C12orf42: variants seen among roughly 807,000 people sequenced by gnomAD.
C12orf42 encodes the protein uncharacterized protein C12orf42.
C12orf42 carries 25 observed loss-of-function variants against 21.6 expected under a neutral mutation model. That is an observed-to-expected ratio of 1.16 (90% CI 0.84 to 1.62). The LOEUF (loss-of-function observed/expected upper bound fraction) is 1.62, where lower values mean the gene tolerates loss of function less well. C12orf42 is among the 40% of genes most tolerant of loss of function. The pLI, the probability that C12orf42 is intolerant of heterozygous loss-of-function variation, is 0.00. For missense variants in C12orf42, 483 were observed against 459.3 expected (o/e 1.05, Z -0.47); for synonymous variants, 174 against 175.0 (o/e 0.99, Z 0.05).
the C12orf42 span, among the ~76,000 whole-genome samples, chr12:103,534,703 A>G: frequency 6.6e-6 from 1 of 152,154 alleles, no homozygotes; most frequent in Non-Finnish European, 1.5e-5. Flanking sequence ...ACGGTTCTCT[A>G]TGGGTCTCTC....
intron 1 of C12orf42, among the ~76,000 whole-genome samples, chr12:103,483,515 C>T (rs965888765): frequency 6.6e-6 from 1 of 152,242 alleles, no homozygotes; most frequent in African/African-American, 2.4e-5. Context: ...GGCATAAGGA[C>T]TCAAGCATTT....
intron 1 of C12orf42, among the ~76,000 whole-genome samples, chr12:103,493,597 C>A (rs1593028200): frequency 6.6e-6 from 1 of 151,820 alleles, no homozygotes; most frequent in Admixed American, 6.6e-5. Flanking sequence ...CCAAAGGGAA[C>A]CTCCCTCAAC....
chr12:103,085,607 A>T, the C12orf42 span, among the ~76,000 whole-genome samples: 1 of 152,220 alleles, frequency 6.6e-6, no homozygotes, highest in Non-Finnish European at 1.5e-5. Flanking sequence ...TAAAAAAGAG[A>T]AAAAGGAGTG....
At chr12:103,146,588 G>GAAAGAAAGAAAGAA in the C12orf42 span, among the ~76,000 whole-genome samples, 12 of 148,238 alleles carry the variant, frequency 8.1e-5, no homozygotes, top group African/African-American at 3.0e-4. Flanking sequence ...AAGAAAGAAA[G>GAAAGAAAGAAAGAA]AAAGAAAGAA....
At chr12:103,369,143 C>T (rs1014275536) in intron 3 of C12orf42, 145 bp from the exon 4 acceptor site, 1 of 554,574 alleles carries the variant, frequency 1.8e-6, no homozygotes, top group Non-Finnish European at 3.3e-6. Flanking sequence ...TGAAACAATC[C>T]TGAAAACAAT....
the C12orf42 span, among the ~76,000 whole-genome samples, chr12:103,144,376 G>T: frequency 6.6e-6 from 1 of 152,172 alleles, no homozygotes; most frequent in East Asian, 1.9e-4. Context: ...CCTCTTTATC[G>T]CTCCAGAGGC....
At chr12:103,526,641 T>A in the C12orf42 span, among the ~76,000 whole-genome samples, 1 of 152,188 alleles carries the variant, frequency 6.6e-6, no homozygotes, top group African/African-American at 2.4e-5. Context: ...AATGTGACTA[T>A]GTTTGAAGCA....
At chr12:103,201,381 C>T in the C12orf42 span, among the ~76,000 whole-genome samples, 4 of 152,110 alleles carry the variant, frequency 2.6e-5, no homozygotes, top group African/African-American at 4.8e-5. Flanking sequence ...TCCATCCAAC[C>T]GCTGAGCTGG....
At chr12:103,368,152 A>G (rs1450806662) in intron 4 of C12orf42, 3 of 792,460 alleles carry the variant, frequency 3.8e-6, no homozygotes, top group East Asian at 1.3e-4. Flanking sequence ...AAAATCATCT[A>G]TGGTGACAAT....
intron 2 of C12orf42, among the ~76,000 whole-genome samples, chr12:103,455,945 GTT>G (rs1215090976): frequency 6.6e-6 from 1 of 152,006 alleles, no homozygotes; most frequent in Non-Finnish European, 1.5e-5. Flanking sequence ...TCCTGCTTGA[GTT>G]CCATGACACA....
At position 103,322,987 on chromosome 12, in the gene C12orf42, AT is replaced by A. The variant is rs368491643; in HGVS notation, c.260-16643del. Among the ~76,000 whole-genome samples, 183 of 152,262 alleles carry A rather than the reference AT, an allele frequency of 1.2e-3. 1 individual carries two copies. Among genetic ancestry groups the A allele is most frequent in the South Asian group, 0.012 (57 of 4,816 alleles). ...ATAAAATACTGCTCAGTTCCATTCT[AT>A]TTGTTCCATTCTGCAGATGATGAAG... On this transcript the variant is annotated intron_variant, in intron 4 of 5. Coordinates refer to ENST00000548883, the MANE Select transcript of C12orf42 (RefSeq NM_198521.5).
intron 1 of C12orf42, among the ~76,000 whole-genome samples, chr12:103,483,897 T>C (rs188505150): frequency 4.9e-4 from 75 of 152,132 alleles, no homozygotes; most frequent in African/African-American, 1.5e-3. Flanking sequence ...CACCTATGAG[T>C]GAGAATATGC....
At chr12:103,231,253 T>C in the C12orf42 span, among the ~76,000 whole-genome samples, 1 of 152,234 alleles carries the variant, frequency 6.6e-6, no homozygotes. Flanking sequence ...CCATTATCAG[T>C]ATCCCCCACC....
intron 10 of C12orf42, among the ~76,000 whole-genome samples, chr12:103,252,526 G>A (rs2034360557): frequency 6.6e-6 from 1 of 152,186 alleles, no homozygotes; most frequent in Admixed American, 6.5e-5. Flanking sequence ...GTTTTGATTT[G>A]CATGTTGCTA....
chr12:103,539,628 G>A, the C12orf42 span, among the ~76,000 whole-genome samples: 2 of 151,244 alleles, frequency 1.3e-5, no homozygotes, highest in African/African-American at 4.9e-5. Context: ...CACCAGGGCT[G>A]GAGTGCAGTG....
intron 4 of C12orf42, among the ~76,000 whole-genome samples, chr12:103,288,390 T>G (rs1340362763): frequency 6.6e-6 from 1 of 152,082 alleles, no homozygotes; most frequent in African/African-American, 2.4e-5. Context: ...TAAAGGAGGG[T>G]TAGGACTCAC....
chr12:103,554,139 G>C, the C12orf42 span, among the ~76,000 whole-genome samples: 1 of 152,170 alleles, frequency 6.6e-6, no homozygotes, highest in Admixed American at 6.5e-5. Context: ...TCTGTGGATA[G>C]AGCTCCAAAG....
At position 103,256,796 on chromosome 12, in the gene C12orf42, G is replaced by A. The variant is rs917276544; in HGVS notation, c.*1366+6530C>T. On this transcript the variant is annotated intron_variant and NMD_transcript_variant, in intron 10 of 10. Transcript: ENST00000547347. ...AGCCTAAAACAGAAGATTCTTGGTT[G>A]GGGAAGATAACCAAGAAATATCAAG... is the stretch of plus-strand genomic sequence containing the variant. Among the ~76,000 whole-genome samples the A allele has an allele frequency of 2.6e-5, 4 of 152,126 alleles. No individual in the cohort carries two copies. The East Asian group carries it at 5.8e-4, about 22-fold the overall frequency.
the C12orf42 span, among the ~76,000 whole-genome samples, chr12:103,078,461 A>T: frequency 2.0e-5 from 3 of 152,278 alleles, no homozygotes; most frequent in Non-Finnish European, 4.4e-5. Flanking sequence ...TTGCTACTAT[A>T]TTCTATAAAC....
Sources: gnomAD v4.1 joint callset for allele counts (sites outside exome capture counted in the v4.1 genomes callset) on GRCh38, gnomAD v4.1.1 for gene constraint, MANE v1.5 for transcripts, NCBI Gene and HGNC (gene_info 2026-07-23, HGNC 2026-07-21) for gene names.